HINT3: variants seen among roughly 807,000 people sequenced by gnomAD.
HINT3 encodes the protein adenosine 5'-monophosphoramidase HINT3.
HINT3 carries 16 observed loss-of-function variants against 19.1 expected under a neutral mutation model. The ratio of observed to expected loss-of-function variants is 0.84; its 90% CI spans 0.57 to 1.27. HINT3 has a LOEUF of 1.27. Ranked by LOEUF, HINT3 falls within the 50% of genes most tolerant of loss-of-function variation. HINT3 has a pLI of 0.00. For missense variants in HINT3, 197 were observed against 225.8 expected (o/e 0.87, Z 0.82); for synonymous variants, 75 against 84.8 (o/e 0.88, Z 0.63).
At position 125,978,771 on chromosome 6, in the gene HINT3, G is replaced by C. The variant is rs1789209999; in HGVS notation, c.*1095G>C. Reference sequence around the variant, plus strand: ...TAGTTTTCTTTCTTTTTTAGAGGGGGCATGATATTAAAGATAGTTTTAAGT... The same window carrying C: ...TAGTTTTCTTTCTTTTTTAGAGGGGCCATGATATTAAAGATAGTTTTAAGT... On this transcript the variant is annotated 3_prime_UTR_variant, in exon 5 of 5. Coordinates refer to ENST00000229633, the MANE Select transcript of HINT3 (RefSeq NM_138571.5). The C allele has an allele frequency of 6.6e-6, 1 of 152,124 alleles. No individual in the cohort carries two copies. Among genetic ancestry groups the C allele is most frequent in the Non-Finnish European group, 1.5e-5 (1 of 68,002 alleles). The allele number at this position is 152,124 out of a possible 1,614,324, so 9.4% of individuals were successfully genotyped here.
At chr6:125,960,386 C>G (rs1472687739) in intron 1 of HINT3, among the ~76,000 whole-genome samples, 1 of 152,168 alleles carries the variant, frequency 6.6e-6, no homozygotes, top group Non-Finnish European at 1.5e-5. Context: ...GAGCCGGGCG[C>G]AGTGGCAAAC....
At position 125,978,667 on chromosome 6, in the gene HINT3, G is replaced by C. The variant is rs1331583837; in HGVS notation, c.*991G>C. Reference sequence around the variant, plus strand: ...TGCAAGTTAATCCTACATTGTGCCAGTGTATATTAGTACCATGTAAATGAA... The same window carrying C: ...TGCAAGTTAATCCTACATTGTGCCACTGTATATTAGTACCATGTAAATGAA... On this transcript the variant is annotated 3_prime_UTR_variant, in exon 5 of 5. Coordinates refer to ENST00000229633, the MANE Select transcript of HINT3 (RefSeq NM_138571.5). 6.6e-6 allele frequency: 1 copy of C among 152,214 alleles called. No individual in the cohort carries two copies. Among genetic ancestry groups the C allele is most frequent in the Non-Finnish European group, 1.5e-5 (1 of 68,032 alleles). 9.4% of individuals were successfully genotyped at this position (152,214 alleles called of 1,614,324 possible).
chr6:125,977,796 T>C lies in HINT3; in HGVS notation c.*120T>C. 1.8e-6 allele frequency: 1 copy of C among 557,284 alleles called. No homozygotes were observed. The highest frequency in any genetic ancestry group is 3.2e-6 in the Non-Finnish European group (1 of 308,648). The allele number at this position is 557,284 out of a possible 1,614,324, so 34.5% of individuals were successfully genotyped here. On this transcript the variant is annotated 3_prime_UTR_variant, in exon 5 of 5. Coordinates refer to ENST00000229633, the MANE Select transcript of HINT3 (RefSeq NM_138571.5). Reference sequence around the variant, plus strand: ...GGTTTTATGAGAGGCTGTTACTTAGTGGCCTTAAATCTTTTCTGAATGTCT... The same window carrying C: ...GGTTTTATGAGAGGCTGTTACTTAGCGGCCTTAAATCTTTTCTGAATGTCT...
Position 125,956,867 on chromosome 6 carries a change from A to T in HINT3, c.-111A>T. On this transcript the variant is annotated 5_prime_UTR_variant, in exon 1 of 5. Transcript: ENST00000229633. Reference sequence around the variant, plus strand: ...AAAGCCTGGATCACCGCCCAGCGTCAGGCGAGGGGCGACGTCTCGAGGTAA... The same window carrying T: ...AAAGCCTGGATCACCGCCCAGCGTCTGGCGAGGGGCGACGTCTCGAGGTAA... 1 of 1,091,440 alleles carries T rather than the reference A, an allele frequency of 9.2e-7. No individual in the cohort carries two copies. The highest frequency in any genetic ancestry group is 2.4e-5 in the Admixed American group (1 of 40,998). The allele number at this position is 1,091,440 out of a possible 1,614,324, so 67.6% of individuals were successfully genotyped here.
At chr6:125,957,282 C>T (rs1387896686) in intron 1 of HINT3, 104 bp downstream of exon 1, 3 of 1,227,352 alleles carry the variant, frequency 2.4e-6, no homozygotes, top group South Asian at 1.5e-5. Flanking sequence ...GGATCCCGAT[C>T]GCTACTCAGC....
At chr6:125,963,212 C>G (rs1221258481) in intron 1 of HINT3, among the ~76,000 whole-genome samples, 1 of 151,968 alleles carries the variant, frequency 6.6e-6, no homozygotes, top group African/African-American at 2.4e-5. Context: ...AGCTTTTTCC[C>G]AACAAAAAAT....
chr6:125,963,174 A>T (rs956679206), intron 1 of HINT3, among the ~76,000 whole-genome samples: 2 of 152,206 alleles, frequency 1.3e-5, no homozygotes, highest in Non-Finnish European at 2.9e-5. Flanking sequence ...CTTCAGAGCC[A>T]CACTCCATCT....
chr6:125,962,185 T>TATAC (rs1409618456), intron 1 of HINT3, among the ~76,000 whole-genome samples: 4 of 35,564 alleles, frequency 1.1e-4, no homozygotes, highest in Non-Finnish European at 1.9e-4. Context: ...TATATATATA[T>TATAC]ACACATATAT....
intron 2 of HINT3, 38 bp from the exon 3 acceptor site, chr6:125,972,221 C>A (rs769070558): frequency 3.0e-6 from 4 of 1,337,174 alleles, no homozygotes; most frequent in South Asian, 1.3e-5. Flanking sequence ...ACCTTAATGT[C>A]TCCTCTAGTG....
chr6:125,962,189 C>CATATATATAT (rs371993982), intron 1 of HINT3, among the ~76,000 whole-genome samples: 1 of 64,328 alleles, frequency 1.6e-5, no homozygotes, highest in Non-Finnish European at 2.6e-5. Context: ...TATATATACA[C>CATATATATAT]ATATATATAT....
At chr6:125,974,530 T>C (rs1371718057) in intron 3 of HINT3, among the ~76,000 whole-genome samples, 1 of 152,204 alleles carries the variant, frequency 6.6e-6, no homozygotes, top group African/African-American at 2.4e-5. Context: ...TTTAAGAGAA[T>C]GAAAGCTTAC....
chr6:125,967,546 G>A (rs1004103572), intron 2 of HINT3, among the ~76,000 whole-genome samples: 2 of 151,932 alleles, frequency 1.3e-5, no homozygotes, highest in African/African-American at 4.8e-5. Context: ...TGGCCAGGCT[G>A]GTCTTGAACT....
chr6:125,975,604 A>T (rs1174643677), intron 4 of HINT3, among the ~76,000 whole-genome samples: 1 of 136,092 alleles, frequency 7.3e-6, no homozygotes, highest in African/African-American at 3.0e-5. Flanking sequence ...TTTTTGAGAC[A>T]GTCTCACTCT....
intron 2 of HINT3, among the ~76,000 whole-genome samples, chr6:125,968,384 G>A (rs1305210166): frequency 6.6e-6 from 1 of 152,168 alleles, no homozygotes; most frequent in Non-Finnish European, 1.5e-5. Context: ...TGGTATATAT[G>A]TACCACATCT....
At position 125,966,905 on chromosome 6, in the gene HINT3, T is replaced by G; in HGVS notation, c.220T>G (p.Phe74Val). Reference protein sequence around the residue: ...LHCENEDLICFKDIKPAATHH... With the variant: ...LHCENEDLICVKDIKPAATHH... ...CCTTTAGAATGAGGACCTAATTTGCTTCAAAGATATCAAACCAGCAGCAAC... is the reference window on the plus strand; with the variant it reads ...CCTTTAGAATGAGGACCTAATTTGCGTCAAAGATATCAAACCAGCAGCAAC... Residue 74 changes from phenylalanine (F) to valine (V), a missense_variant, in exon 2 of 5, where the codon TTC (phenylalanine) becomes GTC (valine). Transcript: ENST00000229633. 6.2e-7 allele frequency: 1 copy of G among 1,611,622 alleles called. No individual in the cohort carries two copies. Among genetic ancestry groups the G allele is most frequent in the Non-Finnish European group, 8.5e-7 (1 of 1,178,862 alleles).
chr6:125,962,324 T>C (rs1788957538), intron 1 of HINT3, among the ~76,000 whole-genome samples: 1 of 134,456 alleles, frequency 7.4e-6, no homozygotes, highest in Admixed American at 7.6e-5. Context: ...TATATATATA[T>C]ATATATCACA....
At chr6:125,973,383 C>T (rs1438222259) in intron 3 of HINT3, among the ~76,000 whole-genome samples, 1 of 152,038 alleles carries the variant, frequency 6.6e-6, no homozygotes, top group East Asian at 1.9e-4. Context: ...CGGGCCTTTT[C>T]AAATGTTTTA....
In HINT3 at chr6:125,978,560, T is replaced by G. The variant is rs1310786239; in HGVS notation, c.*884T>G. Reference sequence around the variant, plus strand: ...AACGCAATGTTAATACTATTGATATTTCATAGGTATATTTTGTTAGAAATT... The same window carrying G: ...AACGCAATGTTAATACTATTGATATGTCATAGGTATATTTTGTTAGAAATT... On this transcript the variant is annotated 3_prime_UTR_variant, in exon 5 of 5. Coordinates refer to ENST00000229633, the MANE Select transcript of HINT3 (RefSeq NM_138571.5). 1 of 152,180 alleles carries G rather than the reference T, an allele frequency of 6.6e-6. No homozygotes were observed. The highest frequency in any genetic ancestry group is 2.4e-5 in the African/African-American group (1 of 41,442). The allele number at this position is 152,180 out of a possible 1,614,324, so 9.4% of individuals were successfully genotyped here.
intron 2 of HINT3, among the ~76,000 whole-genome samples, chr6:125,971,892 A>G (rs1485474413): frequency 3.3e-5 from 5 of 151,170 alleles, no homozygotes; most frequent in Non-Finnish European, 5.9e-5. Context: ...TTTGTATTTT[A>G]GTTGAGATGG....
Sources: gnomAD v4.1 joint callset for allele counts (sites outside exome capture counted in the v4.1 genomes callset) on GRCh38, gnomAD v4.1.1 for gene constraint, MANE v1.5 for transcripts, NCBI Gene and HGNC (gene_info 2026-07-23, HGNC 2026-07-21) for gene names.